Variants in ACHE observed in about 807,000 individuals in gnomAD.
ACHE encodes the protein acetylcholinesterase.
Under a neutral mutation model 53.9 loss-of-function variants are expected in ACHE, and 19 were observed. That is an observed-to-expected ratio of 0.35 (90% confidence interval 0.25 to 0.52). The LOEUF is 0.52. Among genes scored for constraint, ACHE ranks in the 20% least tolerant of loss-of-function variants. The pLI, the probability that ACHE is intolerant of heterozygous loss-of-function variation, is 0.95. For missense variants in ACHE, 605 were observed against 849.4 expected (o/e 0.71, Z 3.58); for synonymous variants, 392 against 378.1 (o/e 1.04, Z -0.43).
rs771062715 is a variant in ACHE, at chr7:100,893,260, C to T, written c.973G>A (p.Val325Ile). ...HEWHVLPQES[V>I]FRFSFVPVVD... is the part of the protein sequence containing the mutation. The stretch of plus-strand genomic sequence containing the variant: ...ACAGGCACGAAGGAGAACCGGAAGA[C>T]GCTTTCTTGAGGCAGCACGTGCCAT... Residue 325 changes from valine to isoleucine, a missense_variant, in exon 2 of 5, where the codon GTC becomes ATC. Physicochemically the swap from Val to Ile is conservative, Grantham distance 29. Around this residue, in one of 4 missense-constraint regions of ACHE, gnomAD observed 397 missense variants for 632.5 expected, o/e 0.63. Coordinates refer to ENST00000241069, the MANE Select transcript of ACHE (RefSeq NM_000665.5). The T allele has an allele frequency of 6.2e-6, 10 of 1,613,976 alleles. No homozygotes were observed. The highest frequency in any genetic ancestry group is 2.7e-5 in the African/African-American group (2 of 74,934).
intron 3 of ACHE, 90 bp from the exon 4 acceptor site, chr7:100,891,428 G>C: frequency 7.7e-7 from 1 of 1,306,258 alleles, no homozygotes; most frequent in South Asian, 1.6e-5. Context: ...CAGCTCAGCG[G>C]AGAGCCCCAG....
rs1790775843 is a variant in ACHE at position 100,892,737 on chromosome 7, G to A, written c.1150C>T (p.Leu384Phe). Residue 384 changes from leucine (L) to phenylalanine (F), a missense_variant, in exon 3 of 5, where the codon CTC (leucine) becomes TTC (phenylalanine). Leu to Phe is a conservative substitution (Grantham distance 22). This residue lies in a region of ACHE where 397 missense variants were observed against 632.5 expected (regional missense o/e 0.63). Coordinates refer to ENST00000241069, the MANE Select transcript of ACHE (RefSeq NM_000665.5). This position sits in a 1 kb window ranked among gnomAD's most constrained non-coding sequence, Gnocchi z 5.2. ...GCCAGGAACTCGGCCCGGCTGATGAGAGACTCGTTGTCTTTGCTGAAGCCT... is the reference window on the plus strand; with the variant it reads ...GCCAGGAACTCGGCCCGGCTGATGAAAGACTCGTTGTCTTTGCTGAAGCCT... Reference protein sequence around the residue: ...APGFSKDNESLISRAEFLAGV... With the variant: ...APGFSKDNESFISRAEFLAGV... The A allele has an allele frequency of 1.9e-6, 3 of 1,613,090 alleles. No individual in the cohort carries two copies. The highest frequency in any genetic ancestry group is 2.5e-6 in the Non-Finnish European group (3 of 1,179,938).
upstream of ACHE, chr7:100,896,080 A>C (rs1012400624): frequency 2.6e-5 from 4 of 151,958 alleles, no homozygotes; most frequent in African/African-American, 9.7e-5. Flanking sequence ...ACGCCGACCG[A>C]CGACAGAGCG....
Position 100,890,169 on chromosome 7 carries a change from G to C in ACHE, c.*45C>G, listed in dbSNP as rs780728571. The C allele has an allele frequency of 1.9e-6, 3 of 1,610,084 alleles. No homozygotes were observed. The highest frequency in any genetic ancestry group is 1.7e-5 in the Admixed American group (1 of 59,906). On this transcript the variant is annotated 3_prime_UTR_variant, in exon 5 of 5. Transcript: ENST00000241069. ...AGCCCTGAAATAAATAGTATATACAGCTAGGGGGCCGGGCGGAGCGGAGGA... is the reference window on the plus strand; with the variant it reads ...AGCCCTGAAATAAATAGTATATACACCTAGGGGGCCGGGCGGAGCGGAGGA...
At position 100,892,768 on chromosome 7, in the gene ACHE, C is replaced by T. The variant is rs1273637728; in HGVS notation, c.1119G>A (p.Gly373=). ...KDEGSYFLVY[G]APGFSKDNES... ...CGTTGTCTTTGCTGAAGCCTGGGGC[C>T]CCGTAAACCAGAAAATACGAGCCCT... Residue 373 remains glycine (G), a synonymous_variant, in exon 3 of 5, where the codon GGG becomes GGA. Transcript: ENST00000241069. This position sits in a 1 kb window ranked among gnomAD's most constrained non-coding sequence, Gnocchi z 5.2. 6.2e-7 allele frequency: 1 copy of T among 1,607,746 alleles called. No individual in the cohort carries two copies. The highest frequency in any genetic ancestry group is 8.5e-7 in the Non-Finnish European group (1 of 1,178,542).
In ACHE at chr7:100,890,209, C is replaced by A; in HGVS notation, c.*5G>T. On this transcript the variant is annotated 3_prime_UTR_variant, in exon 5 of 5. Transcript: ENST00000241069. ...GGAGCGGAGGACATGGGGGTCCCGC[C>A]GGGGTCACAGGTCTGAGCAGCGATC... 1 of 1,613,520 alleles carries A rather than the reference C, an allele frequency of 6.2e-7. No individual in the cohort carries two copies. Among genetic ancestry groups the A allele is most frequent in the Non-Finnish European group, 8.5e-7 (1 of 1,179,578 alleles).
chr7:100,890,176 G>A lies in ACHE; in HGVS notation c.*38C>T. ...AAATAAATAGTATATACAGCTAGGG[G>A]GCCGGGCGGAGCGGAGGACATGGGG... On this transcript the variant is annotated 3_prime_UTR_variant, in exon 5 of 5. Transcript: ENST00000241069. The A allele has an allele frequency of 1.9e-6, 3 of 1,611,616 alleles. No homozygotes were observed. Among genetic ancestry groups the A allele is most frequent in the Non-Finnish European group, 2.5e-6 (3 of 1,178,076 alleles).
At position 100,890,157 on chromosome 7, in the gene ACHE, A is replaced by C. The variant is rs1790573315; in HGVS notation, c.*57T>G. 2.5e-6 allele frequency: 4 copies of C among 1,594,408 alleles called. No homozygotes were observed. In the Admixed American group the frequency reaches 6.7e-5, roughly 27 times the overall value. On this transcript the variant is annotated 3_prime_UTR_variant, in exon 5 of 5. Coordinates refer to ENST00000241069, the MANE Select transcript of ACHE (RefSeq NM_000665.5). Reference sequence around the variant, plus strand: ...GTGTTATAGCCCAGCCCTGAAATAAATAGTATATACAGCTAGGGGGCCGGG... The same window carrying C: ...GTGTTATAGCCCAGCCCTGAAATAACTAGTATATACAGCTAGGGGGCCGGG...
upstream of ACHE, chr7:100,896,017 C>T (rs1157264032): frequency 6.6e-6 from 1 of 151,360 alleles, no homozygotes; most frequent in Non-Finnish European, 1.5e-5. Context: ...CTCTCTCCCT[C>T]CCTTGGAGCC....
rs374208818 is a variant in ACHE at position 100,890,230 on chromosome 7, C to A, written c.1829G>T (p.Arg610Leu). 4.3e-6 allele frequency: 7 copies of A among 1,613,868 alleles called. No individual in the cohort carries two copies. Among genetic ancestry groups the A allele is most frequent in the Non-Finnish European group, 5.9e-6 (7 of 1,179,882 alleles). ...NQFDHYSKQD[R>L]CSDL ...CCGCCGGGGTCACAGGTCTGAGCAG[C>A]GATCCTGCTTGCTGTAGTGGTCGAA... The change falls in exon 5 of 5, where the codon CGC becomes CTC. Residue 610 changes from arginine (R) to leucine (L), a missense_variant. Arg to Leu is a moderately radical substitution (Grantham distance 102). Transcript: ENST00000241069.
In ACHE at chr7:100,893,872, G is replaced by A; in HGVS notation, c.361C>T (p.Arg121Cys). ...TACAGGCAGTCCTCGCTCAGCTCAC[G>A]GTTGGGGTTCCACATCTCGGTGCCC... ...FEGTEMWNPN[R>C]ELSEDCLYLN... is the part of the protein sequence containing the mutation. The change falls in exon 2 of 5, where the codon CGT becomes TGT. Residue 121 changes from arginine (R) to cysteine (C), a missense_variant. Arg to Cys is a radical substitution (Grantham distance 180, BLOSUM62 -3). Transcript: ENST00000241069. The A allele has an allele frequency of 3.1e-6, 5 of 1,603,198 alleles. No homozygotes were observed. The highest frequency in any genetic ancestry group is 3.4e-6 in the Non-Finnish European group (4 of 1,173,678).
In ACHE at chr7:100,891,250, G is replaced by A. The variant is rs761521455; in HGVS notation, c.1642C>T (p.Pro548Ser). Reference sequence around the variant, plus strand: ...CGCAGCCCCCGCCGCACCTCCAGCGGCCGCAGGTCCAGACTAACGTACTGC... The same window carrying A: ...CGCAGCCCCCGCCGCACCTCCAGCGACCGCAGGTCCAGACTAACGTACTGC... ...AQQYVSLDLRPLEVRRGLRAQ... is the reference protein window; with the variant it reads ...AQQYVSLDLRSLEVRRGLRAQ... Residue 548 changes from proline (P) to serine (S), a missense_variant, in exon 4 of 5, where the codon CCG becomes TCG. Physicochemically the swap from Pro to Ser is moderately conservative, Grantham distance 74. Around this residue, in one of 4 missense-constraint regions of ACHE, gnomAD observed 91 missense variants for 83.2 expected, o/e 1.09. Transcript: ENST00000241069. The A allele has an allele frequency of 1.9e-6, 3 of 1,611,432 alleles. No individual in the cohort carries two copies. Among genetic ancestry groups the A allele is most frequent in the East Asian group, 4.5e-5 (2 of 44,862 alleles).
At position 100,893,202 on chromosome 7, in the gene ACHE, T is replaced by C. The variant is rs17228588; in HGVS notation, c.1031A>G (p.Glu344Gly). The C allele has an allele frequency of 6.2e-7, 1 of 1,614,010 alleles. No homozygotes were observed. The highest frequency in any genetic ancestry group is 1.1e-5 in the South Asian group (1 of 91,078). The change falls in exon 2 of 5, where the codon GAG becomes GGG. Residue 344 changes from glutamate to glycine, a missense_variant. Physicochemically the swap from Glu to Gly is moderately conservative, Grantham distance 98. Transcript: ENST00000241069. ...GAAGTCTCCCGCGTTGATGAGGGCC[T>C]CTGGGGTGTCACTGAGGAAGTCTCC... ...VDGDFLSDTPEALINAGDFHG... is the reference protein window; with the variant it reads ...VDGDFLSDTPGALINAGDFHG...
At chr7:100,893,051 C>T (rs2115997562) in intron 2 of ACHE, 114 bp downstream of exon 2, 1 of 1,309,928 alleles carries the variant, frequency 7.6e-7, no homozygotes, top group East Asian at 2.5e-5. Flanking sequence ...GGGAGGACTT[C>T]TGGGACTTCT....
In ACHE at chr7:100,890,049, G is replaced by C. The variant is rs1584768458; in HGVS notation, c.*165C>G. 1.3e-6 allele frequency: 1 copy of C among 788,930 alleles called. No homozygotes were observed. 48.9% of individuals were successfully genotyped at this position (788,930 alleles called of 1,614,324 possible). A position where few individuals can be genotyped will look rare whatever the true frequency, so the allele number is the denominator to read the frequency against. ...GGGCGAAGGCACCGCGGGGGAGGGA[G>C]CTCAGCCTGAGACATGCAGAGGACC... On this transcript the variant is annotated 3_prime_UTR_variant, in exon 5 of 5. Coordinates refer to ENST00000241069, the MANE Select transcript of ACHE (RefSeq NM_000665.5).
At chr7:100,896,043 C>T (rs1421077575), upstream of ACHE, 3 of 151,840 alleles carry the variant, frequency 2.0e-5, no homozygotes, top group Non-Finnish European at 2.9e-5. Context: ...CCGGAGACCC[C>T]GGGGCCCAGA....
At position 100,895,879 on chromosome 7, in the gene ACHE, C is replaced by G. The variant is rs1353020712; in HGVS notation, c.-98G>C. 6.6e-6 allele frequency: 1 copy of G among 152,028 alleles called. No homozygotes were observed. The highest frequency in any genetic ancestry group is 1.5e-5 in the Non-Finnish European group (1 of 68,012). 9.4% of individuals were successfully genotyped at this position (152,028 alleles called of 1,614,324 possible). ...CGATGTTCCCCGGCGCAGGCTGAGC[C>G]GACTCTGACAGCCGCCGCCTCCGGC... On this transcript the variant is annotated 5_prime_UTR_variant, in exon 1 of 5. Coordinates refer to ENST00000241069, the MANE Select transcript of ACHE (RefSeq NM_000665.5).
chr7:100,894,513 C>T (rs1790923408), intron 1 of ACHE: 1 of 317,108 alleles, frequency 3.2e-6, no homozygotes, highest in Non-Finnish European at 5.8e-6. Flanking sequence ...CCTCTCTGCT[C>T]CGCAGGGGTC....
intron 1 of ACHE, 104 bp from the exon 2 acceptor site, chr7:100,894,356 A>T (rs1790911611): frequency 2.6e-5 from 16 of 623,568 alleles, no homozygotes; most frequent in African/African-American, 3.9e-5. Context: ...GCTGCAGAGG[A>T]GGTGGGGCAG....
Sources: gnomAD v4.1 joint callset for allele counts on GRCh38, gnomAD v4.1.1 for gene constraint, gnomAD v4.1.1 regional missense constraint, Gnocchi (gnomAD v3.1) non-coding constraint, MANE v1.5 for transcripts, NCBI Gene and HGNC (gene_info 2026-07-23, HGNC 2026-07-21) for gene names.